The following KRT83 variants were observed in gnomAD, a reference collection of about 807,000 sequenced individuals.
KRT83 encodes the protein keratin, type II cuticular Hb3.
KRT83 carries 51 observed loss-of-function variants against 52.9 expected under a neutral mutation model. The observed-to-expected ratio is 0.96, with a 90% CI of 0.77 to 1.22. KRT83 has a LOEUF of 1.22. KRT83 is among the 50% of genes most tolerant of loss of function. KRT83 has a pLI of 0.00. For missense variants in KRT83, 654 were observed against 666.5 expected (o/e 0.98, Z 0.21); for synonymous variants, 278 against 274.1 (o/e 1.01, Z -0.14).
chr12:52,320,986 G>T lies in KRT83; in HGVS notation c.350C>A (p.Ser117Tyr), dbSNP rs747408486. 11 of 1,613,612 alleles carry T rather than the reference G, an allele frequency of 6.8e-6. No individual in the cohort carries two copies. The Admixed American group carries it at 1.8e-4, about 27-fold the overall frequency. ...GAAGGCCGCGAATCTGCTGTTGAGGGACTTGATCTGCTCCTTCTCCTCCTG... is the reference window on the plus strand; with the variant it reads ...GAAGGCCGCGAATCTGCTGTTGAGGTACTTGATCTGCTCCTTCTCCTCCTG... ...VKQEEKEQIK[S>Y]LNSRFAAFID... is the part of the protein sequence containing the mutation. Residue 117 changes from serine to tyrosine, a missense_variant, in exon 1 of 9, where the codon TCC becomes TAC. Physicochemically the swap from Ser to Tyr is moderately radical, Grantham distance 144 (BLOSUM62 -2). Coordinates refer to ENST00000293670, the MANE Select transcript of KRT83 (RefSeq NM_002282.3).
rs1162439631 is a variant in KRT83 at position 52,320,935 on chromosome 12, T to C, written c.384+17A>G. 1.2e-6 allele frequency: 2 copies of C among 1,613,692 alleles called. No individual in the cohort carries two copies. The highest frequency in any genetic ancestry group is 1.3e-5 in the African/African-American group (1 of 74,902). ...GAGTAGGGGTTCAGGAAGGGTGTGA[T>C]CCAGGACGACACCCACCTTGTCGAT... On this transcript the variant is annotated intron_variant, in intron 1 of 8. Transcript: ENST00000293670.
Position 52,314,758 on chromosome 12 carries a change from G to T in KRT83, c.1355C>A (p.Pro452Gln). 6.2e-7 allele frequency: 1 copy of T among 1,602,542 alleles called. No homozygotes were observed. Among genetic ancestry groups the T allele is most frequent in the Non-Finnish European group, 8.5e-7 (1 of 1,175,296 alleles). ...CGDLCVSGSR[P>Q]VTGSVCSAPC... ...GGCACTGCAGACGCTGCCCGTCACC[G>T]GCCGGGAGCCCGACACGCAGAGATC... is the stretch of plus-strand genomic sequence containing the variant. The change falls in exon 9 of 9, where the codon CCG (proline) becomes CAG (glutamine). Residue 452 changes from proline to glutamine, a missense_variant. By Grantham distance (76) the Pro-to-Gln change is moderately conservative. Coordinates refer to ENST00000293670, the MANE Select transcript of KRT83 (RefSeq NM_002282.3).
chr12:52,317,140 C>T, intron 4 of KRT83, 117 bp from the exon 5 acceptor site: 1 of 1,322,994 alleles, frequency 7.6e-7, no homozygotes, highest in South Asian at 1.2e-5. Context: ...GAGAAACAAA[C>T]CTGATGAAAT....
At position 52,316,046 on chromosome 12, in the gene KRT83, C is replaced by A. The variant is rs372980511; in HGVS notation, c.1109G>T (p.Arg370Leu). 3.7e-6 allele frequency: 6 copies of A among 1,613,606 alleles called. 1 individual carries two copies. The highest frequency in any genetic ancestry group is 3.3e-5 in the South Asian group (3 of 91,058). Residue 370 changes from arginine to leucine, a missense_variant, in exon 7 of 9, where the codon CGC becomes CTC. Arg to Leu is a moderately radical substitution (Grantham distance 102). Coordinates refer to ENST00000293670, the MANE Select transcript of KRT83 (RefSeq NM_002282.3). ...QQGEAALSDA[R>L]CKLAELEGAL... ...GCCCTCCAGCTCGGCCAGCTTGCAG[C>A]GGGCATCACTGAGGGCCGCCTCACC...
In KRT83 at chr12:52,319,190, G is replaced by A. The variant is rs774246418; in HGVS notation, c.559C>T (p.His187Tyr). ...DSGRLASELN[H>Y]VQEVLEGYKK... ...TAGCCCTCCAGCACCTCCTGCACGT[G>A]GTTGAGCTCTGAGGCCAGCCTCCCA... Residue 187 changes from histidine (H) to tyrosine (Y), a missense_variant, in exon 2 of 9, where the codon CAC becomes TAC. Transcript: ENST00000293670. 6.2e-7 allele frequency: 1 copy of A among 1,613,488 alleles called. No individual in the cohort carries two copies. The highest frequency in any genetic ancestry group is 1.3e-5 in the African/African-American group (1 of 74,912).
intron 8 of KRT83, 132 bp downstream of exon 8, chr12:52,315,180 G>C: frequency 2.0e-6 from 2 of 981,102 alleles, no homozygotes; most frequent in Non-Finnish European, 1.6e-6. Context: ...CTGTCTTGCT[G>C]CATGACCAAC....
rs768266558 is a variant in KRT83 at position 52,314,708 on chromosome 12, T to C, written c.1405A>G (p.Ser469Gly). ...CCACAGGGCTTGCACAAACCAGTGC[T>C]CACCACCAGGTTCCCGTTGCAGGGG... is the stretch of plus-strand genomic sequence containing the variant. Reference protein sequence around the residue: ...SAPCNGNLVVSTGLCKPCGQL... With the variant: ...SAPCNGNLVVGTGLCKPCGQL... Residue 469 changes from serine to glycine, a missense_variant, in exon 9 of 9, where the codon AGC becomes GGC. By Grantham distance (56) the Ser-to-Gly change is moderately conservative. Transcript: ENST00000293670. The C allele has an allele frequency of 4.4e-6, 7 of 1,586,124 alleles. No homozygotes were observed. In the African/African-American group the frequency reaches 9.4e-5, roughly 21 times the overall value.
Position 52,316,020 on chromosome 12 carries a change from C to G in KRT83, c.1135G>C (p.Ala379Pro), listed in dbSNP as rs201054359. The G allele has an allele frequency of 1.2e-5, 20 of 1,613,464 alleles. No individual in the cohort carries two copies. The highest frequency in any genetic ancestry group is 3.6e-4 in the Middle Eastern group (2 of 5,534). The change falls in exon 7 of 9, where the codon GCC becomes CCC. Residue 379 changes from alanine (A) to proline (P), a missense_variant. Transcript: ENST00000293670. ...ATGTCTTGCTTGGCCTTCTGCAGGGCGCCCTCCAGCTCGGCCAGCTTGCAG... is the reference window on the plus strand; with the variant it reads ...ATGTCTTGCTTGGCCTTCTGCAGGGGGCCCTCCAGCTCGGCCAGCTTGCAG... ...ARCKLAELEG[A>P]LQKAKQDMAC...
At chr12:52,318,025 T>G in intron 2 of KRT83, 55 bp from the exon 3 acceptor site, 2 of 1,473,648 alleles carry the variant, frequency 1.4e-6, no homozygotes, top group Non-Finnish European at 1.9e-6. Flanking sequence ...ATCTTGGCCA[T>G]GAGCATATAT....
chr12:52,317,136 C>G (rs148269084), intron 4 of KRT83, 113 bp from the exon 5 acceptor site: 3 of 1,348,222 alleles, frequency 2.2e-6, no homozygotes, highest in Admixed American at 1.8e-5. Flanking sequence ...TTTAGAGAAA[C>G]AAACCTGATG....
Position 52,317,661 on chromosome 12 carries a change from C to T in KRT83, c.750+20G>A. The T allele has an allele frequency of 6.2e-7, 1 of 1,611,096 alleles. No individual in the cohort carries two copies. The highest frequency in any genetic ancestry group is 8.5e-7 in the Non-Finnish European group (1 of 1,179,006). On this transcript the variant is annotated intron_variant, in intron 4 of 8. Coordinates refer to ENST00000293670, the MANE Select transcript of KRT83 (RefSeq NM_002282.3). ...ATCCCATGGGGGGATCTGTGCCCAC[C>T]ATGGTTGAGAGCCCCTCACCTCCTC...
intron 2 of KRT83, among the ~76,000 whole-genome samples, chr12:52,318,660 C>T (rs1228407582): frequency 3.9e-5 from 6 of 152,270 alleles, no homozygotes; most frequent in South Asian, 2.1e-4. Context: ...GGATCCAGTG[C>T]GTATTCTTCA....
rs1938655444 is a variant in KRT83, at chr12:52,314,579, A to G, written c.*52T>C. The G allele has an allele frequency of 6.7e-7, 1 of 1,489,322 alleles. No homozygotes were observed. The allele number at this position is 1,489,322 out of a possible 1,614,324, so 92.3% of individuals were successfully genotyped here. ...TGCTGTTTTCAGCTGGTGGTGGGGC[A>G]GTGGCACGTCTGGCAGGCAGAAGGG... On this transcript the variant is annotated 3_prime_UTR_variant, in exon 9 of 9. Coordinates refer to ENST00000293670, the MANE Select transcript of KRT83 (RefSeq NM_002282.3).
In KRT83 at chr12:52,314,639, T is replaced by C; in HGVS notation, c.1474A>G (p.Arg492Gly). Residue 492 changes from arginine (R) to glycine (G), a missense_variant, in exon 9 of 9, where the codon AGG (arginine) becomes GGG (glycine). Arg to Gly is a moderately radical substitution (Grantham distance 125, BLOSUM62 -2). Coordinates refer to ENST00000293670, the MANE Select transcript of KRT83 (RefSeq NM_002282.3). ...TCGGGSCGQG[R>G]H ...GCTCTCTTTTGGGCCACTTAATGCCTCCCCTGGCCGCAGGAGCCCCCTCCA... is the reference window on the plus strand; with the variant it reads ...GCTCTCTTTTGGGCCACTTAATGCCCCCCCTGGCCGCAGGAGCCCCCTCCA... The C allele has an allele frequency of 6.4e-7, 1 of 1,566,352 alleles. No homozygotes were observed. The highest frequency in any genetic ancestry group is 8.7e-7 in the Non-Finnish European group (1 of 1,155,620).
intron 6 of KRT83, 67 bp downstream of exon 6, chr12:52,316,401 C>T: frequency 6.2e-7 from 1 of 1,609,538 alleles, no homozygotes; most frequent in Non-Finnish European, 8.5e-7. Context: ...GAATCTAACT[C>T]AAATCCCTCT....
intron 2 of KRT83, among the ~76,000 whole-genome samples, chr12:52,318,594 T>C (rs112286453): frequency 0.018 from 2,687 of 152,132 alleles, 33 homozygotes; most frequent in Middle Eastern, 0.058. Flanking sequence ...GGGGAGTCCA[T>C]GGAGAGAATG....
chr12:52,317,129 A>T, intron 4 of KRT83, 106 bp from the exon 5 acceptor site: 1 of 1,452,422 alleles, frequency 6.9e-7, no homozygotes, highest in South Asian at 1.2e-5. Flanking sequence ...TCTCATGTTT[A>T]GAGAAACAAA....
chr12:52,318,300 C>G (rs1207359208), intron 2 of KRT83, among the ~76,000 whole-genome samples: 1 of 152,120 alleles, frequency 6.6e-6, no homozygotes, highest in Non-Finnish European at 1.5e-5. Flanking sequence ...CTCAGCCTCC[C>G]GAGTAGCTGG....
chr12:52,320,392 G>A (rs570219836), intron 1 of KRT83, among the ~76,000 whole-genome samples: 2 of 152,298 alleles, frequency 1.3e-5, no homozygotes, highest in South Asian at 2.1e-4. Flanking sequence ...ACCAAACCCA[G>A]ACTGTGCACT....
Sources: gnomAD v4.1 joint callset for allele counts (sites outside exome capture counted in the v4.1 genomes callset) on GRCh38, gnomAD v4.1.1 for gene constraint, MANE v1.5 for transcripts, NCBI Gene and HGNC (gene_info 2026-07-23, HGNC 2026-07-21) for gene names.